PACRG: variants seen among roughly 807,000 people sequenced by gnomAD.
PACRG encodes parkin coregulated gene protein.
A neutral mutation model predicts 29.7 loss-of-function variants in PACRG; 29 were observed. The observed-to-expected ratio is 0.98, with a 90% CI of 0.73 to 1.33. PACRG has a LOEUF of 1.33. Among genes scored for constraint, PACRG ranks in the 40% most tolerant of loss-of-function variants. The pLI is 0.00. For synonymous variants in PACRG, 116 were observed against 118.7 expected (o/e 0.98, Z 0.15); for missense variants, 279 against 316.2 (o/e 0.88, Z 0.89).
chr6:162,736,651 T>C (rs1305682303), intron 1 of PACRG, among the ~76,000 whole-genome samples: 1 of 113,800 alleles, frequency 8.8e-6, no homozygotes, highest in Non-Finnish European at 1.9e-5. Context: ...ATTTTCTGCC[T>C]TTTTTTTTTT....
intron 2 of PACRG, among the ~76,000 whole-genome samples, chr6:162,868,694 G>A (rs547919306): frequency 5.7e-4 from 87 of 152,166 alleles, no homozygotes; most frequent in African/African-American, 2.0e-3. Context: ...CTTCCTGCGG[G>A]AGGAGAATAC....
intron 2 of PACRG, among the ~76,000 whole-genome samples, chr6:162,834,522 T>C (rs1288164357): frequency 6.6e-6 from 1 of 152,060 alleles, no homozygotes; most frequent in Non-Finnish European, 1.5e-5. Context: ...TGTACGTGTG[T>C]ATTTTTGTAT....
chr6:162,992,380 T>C (rs1214742434), intron 2 of PACRG, among the ~76,000 whole-genome samples: 2 of 139,934 alleles, frequency 1.4e-5, no homozygotes, highest in East Asian at 4.3e-4. Context: ...TGGACTCTTT[T>C]TGGTTGGTAA....
At chr6:162,932,831 A>G (rs1297945801) in intron 2 of PACRG, among the ~76,000 whole-genome samples, 2 of 151,776 alleles carry the variant, frequency 1.3e-5, no homozygotes, top group African/African-American at 4.8e-5. Flanking sequence ...AGCCTTTTAC[A>G]TCTTCAGATT....
chr6:162,770,534 A>C lies in PACRG; in HGVS notation c.156+42143A>C, dbSNP rs529104204. The stretch of plus-strand genomic sequence containing the variant: ...AAAATAGATTTTTTCCATTTCATCA[A>C]TCACATTTCCTCAACTTTTGCTCTT... On this transcript the variant is annotated intron_variant, in intron 1 of 4. Transcript: ENST00000366888. 6.6e-5 allele frequency among the ~76,000 whole-genome samples: 10 copies of C among 152,232 alleles called. No homozygotes were observed. The South Asian group carries it at 2.1e-3, about 32-fold the overall frequency.
chr6:162,827,821 C>T (rs544043281), intron 2 of PACRG, among the ~76,000 whole-genome samples: 4 of 152,106 alleles, frequency 2.6e-5, no homozygotes, highest in African/African-American at 9.6e-5. Context: ...TGCTCATCTG[C>T]TTGCACCTGG....
intron 4 of PACRG, among the ~76,000 whole-genome samples, chr6:163,133,365 T>C (rs1816809160): frequency 6.6e-6 from 1 of 152,202 alleles, no homozygotes; most frequent in South Asian, 2.1e-4. Context: ...AGTCTCTGCA[T>C]CAAGGAGAAA....
intron 2 of PACRG, among the ~76,000 whole-genome samples, chr6:162,957,913 C>T (rs1361882959): frequency 6.6e-6 from 1 of 152,042 alleles, no homozygotes; most frequent in African/African-American, 2.4e-5. Flanking sequence ...ACTTTGGGTG[C>T]AAAGCAAGGC....
intron 1 of PACRG, among the ~76,000 whole-genome samples, chr6:162,779,451 G>A (rs1412245075): frequency 6.6e-6 from 1 of 152,124 alleles, no homozygotes; most frequent in Non-Finnish European, 1.5e-5. Context: ...TTACAATATG[G>A]TACACCTGTC....
At chr6:162,913,006 T>C (rs1309627746) in intron 2 of PACRG, among the ~76,000 whole-genome samples, 5 of 152,260 alleles carry the variant, frequency 3.3e-5, no homozygotes, top group Middle Eastern at 3.4e-3. Context: ...TAAAATTTTA[T>C]GTATATAAAA....
intron 4 of PACRG, among the ~76,000 whole-genome samples, chr6:163,306,710 C>T (rs1219769391): frequency 6.6e-6 from 1 of 152,134 alleles, no homozygotes; most frequent in Non-Finnish European, 1.5e-5. Flanking sequence ...TGACTTGACA[C>T]CTGATTTTGA....
chr6:162,735,139 G>A (rs1166794134), intron 1 of PACRG, among the ~76,000 whole-genome samples: 2 of 151,944 alleles, frequency 1.3e-5, no homozygotes, highest in African/African-American at 2.4e-5. Context: ...TTTATCCATC[G>A]CTTCCTCGAT....
At chr6:162,962,965 G>C (rs1250645360) in intron 2 of PACRG, among the ~76,000 whole-genome samples, 2 of 152,150 alleles carry the variant, frequency 1.3e-5, no homozygotes, top group Admixed American at 1.3e-4. Context: ...ACTTTGATTA[G>C]AAGACCTCTA....
intron 2 of PACRG, among the ~76,000 whole-genome samples, chr6:162,971,364 A>G (rs1801513761): frequency 6.6e-6 from 1 of 152,218 alleles, no homozygotes; most frequent in Non-Finnish European, 1.5e-5. Flanking sequence ...TTTTATAGAT[A>G]TAGAGCCAGC....
At chr6:162,810,454 A>G (rs1320531330) in intron 1 of PACRG, among the ~76,000 whole-genome samples, 2 of 152,224 alleles carry the variant, frequency 1.3e-5, no homozygotes, top group East Asian at 3.8e-4. Flanking sequence ...AAATATAATC[A>G]ACAGGTGCCA....
At chr6:163,034,769 T>C (rs890013985) in intron 2 of PACRG, among the ~76,000 whole-genome samples, 1 of 152,078 alleles carries the variant, frequency 6.6e-6, no homozygotes, top group Non-Finnish European at 1.5e-5. Context: ...AGAAAAATGT[T>C]ACAGGGAAGG....
intron 3 of PACRG, among the ~76,000 whole-genome samples, chr6:163,087,766 G>A (rs1813728881): frequency 6.6e-6 from 1 of 151,472 alleles, no homozygotes; most frequent in Admixed American, 6.6e-5. Context: ...GAGAGGAGGT[G>A]AGGTTGGAGA....
At chr6:163,289,873 G>A (rs1784527484) in intron 4 of PACRG, among the ~76,000 whole-genome samples, 1 of 151,668 alleles carries the variant, frequency 6.6e-6, no homozygotes, top group Non-Finnish European at 1.5e-5. Flanking sequence ...TTGAGGTGGA[G>A]TTTCACTCTT....
chr6:162,915,338 G>A (rs1203445919), intron 2 of PACRG, among the ~76,000 whole-genome samples: 4 of 151,688 alleles, frequency 2.6e-5, no homozygotes, highest in Admixed American at 6.6e-5. Flanking sequence ...GTTCAGGTTT[G>A]CAACCTAGGA....
Sources: allele counts gnomAD v4.1 joint callset (sites outside exome capture counted in the v4.1 genomes callset), GRCh38; gene constraint gnomAD v4.1.1; transcripts MANE v1.5; gene names NCBI Gene and HGNC (gene_info 2026-07-23, HGNC 2026-07-21).